The following GFRAL variants were observed in gnomAD, a reference collection of about 807,000 sequenced individuals.
GFRAL encodes the protein GDNF family receptor alpha like.
Under a neutral mutation model 45.4 loss-of-function variants are expected in GFRAL, and 36 were observed. That is an observed-to-expected ratio of 0.79 (90% CI 0.61 to 1.05). GFRAL has a LOEUF of 1.05. GFRAL is among the 50% of genes least tolerant of loss of function. The probability of loss-of-function intolerance (pLI) is 0.00; values close to 1 mark genes in which losing one functional copy is unlikely to be tolerated. For missense variants in GFRAL, 507 were observed against 467.5 expected (o/e 1.08, Z -0.78); for synonymous variants, 166 against 154.1 (o/e 1.08, Z -0.57).
intron 6 of GFRAL, among the ~76,000 whole-genome samples, chr6:55,392,720 G>C (rs373452303): frequency 8.5e-5 from 13 of 152,132 alleles, no homozygotes; most frequent in African/African-American, 2.6e-4. Flanking sequence ...TTGGGGGCCT[G>C]CTAGAGGGTG....
chr6:55,359,387 C>A (rs974158030), intron 6 of GFRAL, among the ~76,000 whole-genome samples: 2 of 151,870 alleles, frequency 1.3e-5, no homozygotes, highest in African/African-American at 4.8e-5. Context: ...TTATTGATTT[C>A]AATATCAAAA....
chr6:55,336,667 A>C (rs979019614), intron 3 of GFRAL, among the ~76,000 whole-genome samples: 1 of 152,156 alleles, frequency 6.6e-6, no homozygotes, highest in Non-Finnish European at 1.5e-5. Context: ...TATTCTTGTC[A>C]TCTATAATAG....
At chr6:55,342,360 G>C (rs1223959387) in intron 3 of GFRAL, among the ~76,000 whole-genome samples, 1 of 152,150 alleles carries the variant, frequency 6.6e-6, no homozygotes, top group Non-Finnish European at 1.5e-5. Flanking sequence ...AGAGAGTGGG[G>C]ACCAATATTC....
chr6:55,386,792 G>C (rs1581758745), intron 6 of GFRAL, among the ~76,000 whole-genome samples: 1 of 152,150 alleles, frequency 6.6e-6, no homozygotes, highest in African/African-American at 2.4e-5. Context: ...TTCACCACTA[G>C]GTTTACTTGC....
At chr6:55,330,038 C>T (rs1326285937) in intron 1 of GFRAL, among the ~76,000 whole-genome samples, 1 of 151,984 alleles carries the variant, frequency 6.6e-6, no homozygotes, top group East Asian at 1.9e-4. Flanking sequence ...GTATTTTTTT[C>T]TATTAATTGA....
At chr6:55,342,289 C>T (rs987627491) in intron 3 of GFRAL, among the ~76,000 whole-genome samples, 2 of 152,120 alleles carry the variant, frequency 1.3e-5, no homozygotes, top group African/African-American at 2.4e-5. Context: ...GTTGGGTTAC[C>T]CACAAAGGGA....
chr6:55,382,563 T>C (rs763761200), intron 6 of GFRAL, among the ~76,000 whole-genome samples: 2 of 152,016 alleles, frequency 1.3e-5, no homozygotes, highest in East Asian at 3.9e-4. Flanking sequence ...GTGCCCCTTC[T>C]TCCACTCTCC....
chr6:55,393,378 CCAG>C, intron 6 of GFRAL, among the ~76,000 whole-genome samples: 1 of 152,210 alleles, frequency 6.6e-6, no homozygotes, highest in East Asian at 1.9e-4. Flanking sequence ...TTCTGTAGAA[CCAG>C]TGTTTTATGG....
At chr6:55,387,338 A>C (rs1308165165) in intron 6 of GFRAL, among the ~76,000 whole-genome samples, 1 of 152,208 alleles carries the variant, frequency 6.6e-6, no homozygotes, top group African/African-American at 2.4e-5. Context: ...AATTGGGGAT[A>C]GGGTTAGTGC....
At chr6:55,367,556 G>A (rs926959621) in intron 6 of GFRAL, among the ~76,000 whole-genome samples, 4 of 150,558 alleles carry the variant, frequency 2.7e-5, no homozygotes, top group African/African-American at 9.9e-5. Context: ...TTACATTTTG[G>A]CATGATTTTG....
chr6:55,385,693 A>T (rs1242497166), intron 6 of GFRAL, among the ~76,000 whole-genome samples: 1 of 152,104 alleles, frequency 6.6e-6, no homozygotes, highest in Admixed American at 6.6e-5. Context: ...TATAAATGTT[A>T]CATTTCACAG....
rs769548919 is a variant in GFRAL, at chr6:55,333,777, G to T, written c.158-9G>T. On this transcript the variant is annotated splice_polypyrimidine_tract_variant and intron_variant, in intron 2 of 8. Coordinates refer to ENST00000340465, the MANE Select transcript of GFRAL (RefSeq NM_207410.2). ...TTAATATCTATAGTGTTATGTGTTT[G>T]ATTGTGAGATCCAGGTGACCCCTGC... is the stretch of plus-strand genomic sequence containing the variant. 14 of 1,574,672 alleles carry T rather than the reference G, an allele frequency of 8.9e-6. No individual in the cohort carries two copies. In the South Asian group the frequency reaches 1.5e-4, roughly 17 times the overall value.
In GFRAL at chr6:55,333,874, G is replaced by C. The variant is rs578084617; in HGVS notation, c.246G>C (p.Glu82Asp). Reference sequence around the variant, plus strand: ...TGGAAAGCAATTTCCAATTTAAAGAGTGTCTTTGCACTGATGACTTCTATT... The same window carrying C: ...TGGAAAGCAATTTCCAATTTAAAGACTGTCTTTGCACTGATGACTTCTATT... The part of the protein sequence containing the change: ...YLVESNFQFK[E>D]CLCTDDFYCT... The change falls in exon 3 of 9, where the codon GAG (glutamate) becomes GAC (aspartate). Residue 82 changes from glutamate to aspartate, a missense_variant. Glu to Asp is a conservative substitution (Grantham distance 45). Coordinates refer to ENST00000340465, the MANE Select transcript of GFRAL (RefSeq NM_207410.2). The C allele has an allele frequency of 6.2e-7, 1 of 1,610,930 alleles. No individual in the cohort carries two copies. Among genetic ancestry groups the C allele is most frequent in the South Asian group, 1.1e-5 (1 of 90,782 alleles).
chr6:55,399,415 C>T lies in GFRAL; in HGVS notation c.1095C>T (p.Ile365=), dbSNP rs560037887. The part of the protein sequence containing the change: ...AAMCMTVTCG[I]LLLVMVKLRT... ...TGTGCATGACAGTCACCTGTGGAAT[C>T]CTTCTGTTGGTTATGGTCAAGCTTA... Residue 365 remains isoleucine, a synonymous_variant, in exon 8 of 9, where the codon ATC becomes ATT. Coordinates refer to ENST00000340465, the MANE Select transcript of GFRAL (RefSeq NM_207410.2). 1.9e-6 allele frequency: 3 copies of T among 1,610,960 alleles called. No homozygotes were observed. Among genetic ancestry groups the T allele is most frequent in the Admixed American group, 1.7e-5 (1 of 60,012 alleles).
intron 6 of GFRAL, among the ~76,000 whole-genome samples, chr6:55,383,279 C>A (rs1037187689): frequency 6.8e-6 from 1 of 147,898 alleles, no homozygotes; most frequent in African/African-American, 2.7e-5. Context: ...TTTTAAATAG[C>A]AATTACCTCA....
chr6:55,390,704 A>C (rs191020237), intron 6 of GFRAL, among the ~76,000 whole-genome samples: 47 of 152,188 alleles, frequency 3.1e-4, no homozygotes, highest in Non-Finnish European at 3.7e-4. Context: ...CCTGACCAAC[A>C]TGGTGAAACC....
chr6:55,341,791 T>C (rs780056525), intron 3 of GFRAL, among the ~76,000 whole-genome samples: 5 of 152,118 alleles, frequency 3.3e-5, no homozygotes, highest in East Asian at 1.9e-4. Context: ...ATTAGACAAT[T>C]GGTTAACTAG....
At chr6:55,395,933 C>A (rs1561868733) in intron 6 of GFRAL, among the ~76,000 whole-genome samples, 2 of 152,052 alleles carry the variant, frequency 1.3e-5, no homozygotes, top group Non-Finnish European at 2.9e-5. Flanking sequence ...AGTTCATAAT[C>A]GTGTTTAATT....
intron 6 of GFRAL, among the ~76,000 whole-genome samples, chr6:55,369,431 C>A (rs1037330918): frequency 6.6e-6 from 1 of 152,338 alleles, no homozygotes; most frequent in East Asian, 1.9e-4. Context: ...GAGCTGTAGA[C>A]CGGAGCTGTT....
Sources: gnomAD v4.1 joint callset for allele counts (sites outside exome capture counted in the v4.1 genomes callset) on GRCh38, gnomAD v4.1.1 for gene constraint, MANE v1.5 for transcripts, NCBI Gene and HGNC (gene_info 2026-07-23, HGNC 2026-07-21) for gene names.